Variants in RASSF6 observed in about 807,000 individuals in gnomAD.
RASSF6 encodes the protein Ras association domain family member 6, also known as ras association domain-containing protein 6.
RASSF6 carries 52 observed loss-of-function variants against 44.0 expected under a neutral mutation model. The ratio of observed to expected loss-of-function variants is 1.18; its 90% CI spans 0.95 to 1.49. RASSF6 has a LOEUF of 1.49. Among genes scored for constraint, RASSF6 ranks in the 40% most tolerant of loss-of-function variants. RASSF6 has a pLI of 0.00. For missense variants in RASSF6, 464 were observed against 393.3 expected, an observed-to-expected ratio of 1.18 and a Z score of -1.52; for synonymous variants, 162 against 124.6, an observed-to-expected ratio of 1.30 and a Z score of -2.00.
chr4:73,598,514 C>T (rs1725078285), intron 3 of RASSF6, 126 bp downstream of exon 3: 1 of 551,146 alleles, frequency 1.8e-6, no homozygotes, highest in African/African-American at 2.0e-5. Context: ...GTGTTCCAAG[C>T]CCAAGTCTAA....
At position 73,617,977 on chromosome 4, in the gene RASSF6, G is replaced by A. The variant is rs1332376356; in HGVS notation, c.-35+2311C>T. On this transcript the variant is annotated intron_variant, in intron 1 of 10. Coordinates refer to ENST00000307439, the MANE Select transcript of RASSF6 (RefSeq NM_177532.5). ...ATCAATGAATCTATATAAGCAAATGGACTGTCAGCATTGGGTTTCTATCTC... is the reference window on the plus strand; with the variant it reads ...ATCAATGAATCTATATAAGCAAATGAACTGTCAGCATTGGGTTTCTATCTC... Among the ~76,000 whole-genome samples, 8 of 152,074 alleles carry A rather than the reference G, an allele frequency of 5.3e-5. No individual in the cohort carries two copies. The East Asian group carries it at 1.5e-3, about 29-fold the overall frequency.
upstream of RASSF6, chr4:73,620,500 T>C (rs1252264516): frequency 9.7e-6 from 15 of 1,540,552 alleles, no homozygotes; most frequent in Non-Finnish European, 1.3e-5. Context: ...TCCCAGAGCA[T>C]GGCTCAGCTG....
intron 1 of RASSF6, among the ~76,000 whole-genome samples, chr4:73,613,629 G>A (rs1445717487): frequency 1.3e-5 from 2 of 152,064 alleles, no homozygotes; most frequent in African/African-American, 4.8e-5. Context: ...TGTTCCAAGA[G>A]CCTATACCTT....
At chr4:73,589,896 T>C (rs1421268586) in intron 4 of RASSF6, among the ~76,000 whole-genome samples, 1 of 152,134 alleles carries the variant, frequency 6.6e-6, no homozygotes, top group Non-Finnish European at 1.5e-5. Context: ...ATATGGTCAC[T>C]TCCCTACCCA....
intron 1 of RASSF6, among the ~76,000 whole-genome samples, chr4:73,616,666 G>A (rs969971307): frequency 8.6e-5 from 13 of 151,840 alleles, no homozygotes; most frequent in African/African-American, 1.7e-4. Context: ...TCTCACCCAC[G>A]TCCCCAGTAA....
chr4:73,598,423 T>C (rs184831603), intron 3 of RASSF6, among the ~76,000 whole-genome samples: 132 of 152,348 alleles, frequency 8.7e-4, no homozygotes, highest in African/African-American at 3.1e-3. Context: ...ATATTCATAT[T>C]CTATTTTTAA....
At chr4:73,595,484 C>G (rs1724871354) in intron 3 of RASSF6, among the ~76,000 whole-genome samples, 1 of 152,158 alleles carries the variant, frequency 6.6e-6, no homozygotes, top group Admixed American at 6.5e-5. Flanking sequence ...TAGGCATGAG[C>G]CACAGCACCT....
chr4:73,613,501 C>A (rs1158307495), intron 1 of RASSF6, among the ~76,000 whole-genome samples: 1 of 152,106 alleles, frequency 6.6e-6, no homozygotes, highest in Non-Finnish European at 1.5e-5. Flanking sequence ...TTATTAATGT[C>A]CCCGACTGAA....
upstream of RASSF6, chr4:73,620,493 C>T: frequency 1.9e-6 from 3 of 1,546,000 alleles, no homozygotes; most frequent in African/African-American, 1.4e-5. Context: ...TGTCTCCTCC[C>T]AGAGCATGGC....
chr4:73,602,098 GA>G, intron 2 of RASSF6, among the ~76,000 whole-genome samples: 1 of 152,160 alleles, frequency 6.6e-6, no homozygotes, highest in Admixed American at 6.5e-5. Context: ...ATAGTTCACA[GA>G]AAAAAACTCA....
chr4:73,572,746 T>C lies in RASSF6; in HGVS notation c.*3489A>G, dbSNP rs919276735. 6.6e-6 allele frequency: 1 copy of C among 152,182 alleles called. No homozygotes were observed. The highest frequency in any genetic ancestry group is 1.5e-5 in the Non-Finnish European group (1 of 68,012). The allele number at this position is 152,182 out of a possible 1,614,324, so 9.4% of individuals were successfully genotyped here. A position where few individuals can be genotyped will look rare whatever the true frequency, so the allele number is the denominator to read the frequency against. ...TTGCATGTGCTTGTTACTTTTTTGT[T>C]CATAAGTTTTAAATAATAACTTTAC... On this transcript the variant is annotated 3_prime_UTR_variant, in exon 11 of 11. Coordinates refer to ENST00000307439, the MANE Select transcript of RASSF6 (RefSeq NM_177532.5).
chr4:73,602,887 G>C (rs1030894011), intron 2 of RASSF6, among the ~76,000 whole-genome samples: 2 of 152,138 alleles, frequency 1.3e-5, no homozygotes, highest in African/African-American at 4.8e-5. Context: ...AGGAGATAGA[G>C]ACCATCCTGG....
intron 8 of RASSF6, among the ~76,000 whole-genome samples, chr4:73,580,322 G>A (rs1207801929): frequency 4.0e-5 from 6 of 150,388 alleles, no homozygotes; most frequent in Non-Finnish European, 5.9e-5. Context: ...GAATAATGCC[G>A]CAATAAACAT....
In RASSF6 at chr4:73,585,376, A is replaced by G; in HGVS notation, c.383-12T>C. 1.3e-6 allele frequency: 2 copies of G among 1,550,976 alleles called. No homozygotes were observed. The highest frequency in any genetic ancestry group is 1.3e-5 in the South Asian group (1 of 78,302). ...ATAAGATAAATAGTCTGGGAAGAATAGATTATAAGCTCATATCATTCAGCT... is the reference window on the plus strand; with the variant it reads ...ATAAGATAAATAGTCTGGGAAGAATGGATTATAAGCTCATATCATTCAGCT... On this transcript the variant is annotated splice_polypyrimidine_tract_variant and intron_variant, in intron 5 of 10. Transcript: ENST00000307439.
At chr4:73,593,341 T>C in intron 4 of RASSF6, 110 bp downstream of exon 4, 3 of 1,069,356 alleles carry the variant, frequency 2.8e-6, no homozygotes, top group Non-Finnish European at 4.0e-6. Flanking sequence ...AATGAGATTG[T>C]GTGTAATCAG....
At chr4:73,608,999 T>C (rs1725831740) in intron 2 of RASSF6, among the ~76,000 whole-genome samples, 1 of 152,222 alleles carries the variant, frequency 6.6e-6, no homozygotes, top group Non-Finnish European at 1.5e-5. Flanking sequence ...TTTGGAATAA[T>C]GCACTTTCTG....
At chr4:73,600,279 G>A (rs1209299130) in intron 2 of RASSF6, among the ~76,000 whole-genome samples, 1 of 152,006 alleles carries the variant, frequency 6.6e-6, no homozygotes, top group Non-Finnish European at 1.5e-5. Context: ...AAGAGTACTT[G>A]GTACATAGCA....
At chr4:73,581,054 A>G (rs1723599495) in intron 8 of RASSF6, among the ~76,000 whole-genome samples, 1 of 151,490 alleles carries the variant, frequency 6.6e-6, no homozygotes. Flanking sequence ...TTTCAATTAT[A>G]AGAACTTTAA....
intron 2 of RASSF6, among the ~76,000 whole-genome samples, chr4:73,601,338 A>G (rs1725264310): frequency 6.6e-6 from 1 of 152,138 alleles, no homozygotes; most frequent in African/African-American, 2.4e-5. Flanking sequence ...TTTCTGTTAT[A>G]ACTGCAGAGA....
Sources: gnomAD v4.1 joint callset for allele counts (sites outside exome capture counted in the v4.1 genomes callset) on GRCh38, gnomAD v4.1.1 for gene constraint, MANE v1.5 for transcripts, NCBI Gene and HGNC (gene_info 2026-07-23, HGNC 2026-07-21) for gene names.